Variants in SORCS2 observed in about 807,000 individuals in gnomAD.
SORCS2 encodes the protein sortilin related VPS10 domain containing receptor 2.
SORCS2 carries 100 observed loss-of-function variants against 141.6 expected under a neutral mutation model. The observed-to-expected ratio is 0.71, with a 90% CI of 0.60 to 0.83. SORCS2 has a LOEUF of 0.83. Among genes scored for constraint, SORCS2 ranks in the 40% least tolerant of loss-of-function variants. The pLI is 0.00. For synonymous variants in SORCS2, 789 were observed against 676.9 expected, an observed-to-expected ratio of 1.17 and a Z score of -2.57; for missense variants, 1,646 against 1,560.2, an observed-to-expected ratio of 1.05 and a Z score of -0.93.
intron 1 of SORCS2, among the ~76,000 whole-genome samples, chr4:7,235,109 C>T (rs1712173505): frequency 6.6e-6 from 1 of 152,232 alleles, no homozygotes; most frequent in African/African-American, 2.4e-5. Flanking sequence ...TGGCGTTCTC[C>T]AGTGATTTCC....
chr4:7,620,341 GTC>G (rs1719081929), intron 3 of SORCS2, among the ~76,000 whole-genome samples: 1 of 152,236 alleles, frequency 6.6e-6, no homozygotes. Context: ...GTGTCCGGCA[GTC>G]TCTCAGCTTT....
chr4:7,590,211 C>A (rs1716824423), intron 3 of SORCS2, among the ~76,000 whole-genome samples: 1 of 152,132 alleles, frequency 6.6e-6, no homozygotes, highest in African/African-American at 2.4e-5. Context: ...GTGATTTGTC[C>A]CAACATTAAA....
intron 1 of SORCS2, among the ~76,000 whole-genome samples, chr4:7,297,912 G>T (rs1215144109): frequency 6.6e-6 from 1 of 152,270 alleles, no homozygotes; most frequent in African/African-American, 2.4e-5. Context: ...AAGGGCCAGA[G>T]AATCTGTGGA....
At chr4:7,216,951 G>A (rs1286936954) in intron 1 of SORCS2, among the ~76,000 whole-genome samples, 4 of 152,110 alleles carry the variant, frequency 2.6e-5, no homozygotes, top group African/African-American at 4.8e-5. Context: ...ACTGCGTGGC[G>A]GTTCCCGTGG....
chr4:7,733,453 G>A (rs1203916206), intron 24 of SORCS2, 32 bp downstream of exon 24: 2 of 1,518,832 alleles, frequency 1.3e-6, no homozygotes, highest in Non-Finnish European at 1.8e-6. Context: ...TGCGGAATGG[G>A]TGGAGGAGGC....
intron 1 of SORCS2, among the ~76,000 whole-genome samples, chr4:7,303,546 C>T (rs563809906): frequency 1.2e-4 from 18 of 152,270 alleles, no homozygotes; most frequent in South Asian, 2.1e-4. Context: ...TTTTTATCTA[C>T]GCTTGAGTGA....
intron 1 of SORCS2, among the ~76,000 whole-genome samples, chr4:7,317,241 G>T (rs1718619956): frequency 6.6e-6 from 1 of 152,168 alleles, no homozygotes; most frequent in South Asian, 2.1e-4. Flanking sequence ...GAGTGCTGGG[G>T]GCTATGGGAA....
intron 2 of SORCS2, chr4:7,434,388 C>T (rs183860087): frequency 3.7e-4 from 589 of 1,607,084 alleles, no homozygotes; most frequent in Non-Finnish European, 4.7e-4. Context: ...TGGCCATGAA[C>T]GGAGCCACAG....
chr4:7,658,244 A>T (rs1024173609), intron 5 of SORCS2, among the ~76,000 whole-genome samples: 21 of 148,948 alleles, frequency 1.4e-4, no homozygotes, highest in Admixed American at 6.0e-4. Context: ...AGTGACTGAG[A>T]GAATGAGTGA....
At chr4:7,381,272 C>T (rs1411557433) in intron 1 of SORCS2, among the ~76,000 whole-genome samples, 1 of 152,182 alleles carries the variant, frequency 6.6e-6, no homozygotes, top group Non-Finnish European at 1.5e-5. Context: ...CGCTTTGACT[C>T]GCAGGTCCAG....
chr4:7,728,885 G>C (rs1401634887), intron 22 of SORCS2, among the ~76,000 whole-genome samples: 1 of 152,224 alleles, frequency 6.6e-6, no homozygotes, highest in African/African-American at 2.4e-5. Context: ...CCGGGTGGCA[G>C]ACATCAGGGC....
intron 26 of SORCS2, among the ~76,000 whole-genome samples, chr4:7,737,482 T>C (rs1712286488): frequency 6.6e-6 from 1 of 152,176 alleles, no homozygotes; most frequent in Admixed American, 6.5e-5. Flanking sequence ...GAAACAGGGC[T>C]GGCTTTGAAA....
rs1008657125 is a variant in SORCS2 at position 7,193,442 on chromosome 4, C to T, written c.480+316C>T. ...TTACGGAGGAGGACCCCAGAACCTTCGGAAGCCTGCAGGTCCTTGAGGGTA... is the reference window on the plus strand; with the variant it reads ...TTACGGAGGAGGACCCCAGAACCTTTGGAAGCCTGCAGGTCCTTGAGGGTA... On this transcript the variant is annotated intron_variant, in intron 1 of 26. Transcript: ENST00000507866. This position sits in a 1 kb window ranked among gnomAD's most constrained non-coding sequence, Gnocchi z 4.8. 2.0e-5 allele frequency among the ~76,000 whole-genome samples: 3 copies of T among 151,836 alleles called. No homozygotes were observed. Among genetic ancestry groups the T allele is most frequent in the African/African-American group, 7.3e-5 (3 of 41,172 alleles).
chr4:7,609,915 C>T (rs1029496749), intron 3 of SORCS2, among the ~76,000 whole-genome samples: 10 of 152,316 alleles, frequency 6.6e-5, no homozygotes, highest in Middle Eastern at 3.4e-3. Context: ...TTATTTTTAG[C>T]GAATGCAGCC....
chr4:7,455,006 CGTTAGG>C (rs1174467478), intron 2 of SORCS2, among the ~76,000 whole-genome samples: 2 of 99,308 alleles, frequency 2.0e-5, no homozygotes, highest in Non-Finnish European at 3.8e-5. Context: ...TCATGCGCCA[CGTTAGG>C]GTCAGGCAGT....
intron 1 of SORCS2, among the ~76,000 whole-genome samples, chr4:7,330,221 G>A (rs1465695491): frequency 2.0e-5 from 3 of 151,930 alleles, no homozygotes; most frequent in Admixed American, 6.6e-5. Context: ...GGATAATCCA[G>A]GATAATCTCC....
At chr4:7,586,683 A>G (rs1053714104) in intron 3 of SORCS2, among the ~76,000 whole-genome samples, 1 of 152,194 alleles carries the variant, frequency 6.6e-6, no homozygotes, top group Non-Finnish European at 1.5e-5. Flanking sequence ...ATGGCAGCAT[A>G]GTATTCCATG....
chr4:7,256,607 C>A (rs1713889350), intron 1 of SORCS2, among the ~76,000 whole-genome samples: 1 of 151,636 alleles, frequency 6.6e-6, no homozygotes, highest in Non-Finnish European at 1.5e-5. Context: ...ATGGATTATG[C>A]CCTCCGGCTC....
At chr4:7,392,994 C>A (rs1723964221) in intron 1 of SORCS2, among the ~76,000 whole-genome samples, 1 of 152,066 alleles carries the variant, frequency 6.6e-6, no homozygotes, top group Non-Finnish European at 1.5e-5. Flanking sequence ...GCTCCCTGGC[C>A]CATTTGGTGA....
Sources: gnomAD v4.1 joint callset for allele counts (sites outside exome capture counted in the v4.1 genomes callset) on GRCh38, gnomAD v4.1.1 for gene constraint, Gnocchi (gnomAD v3.1) non-coding constraint, MANE v1.5 for transcripts, NCBI Gene and HGNC (gene_info 2026-07-23, HGNC 2026-07-21) for gene names.